COL4A1: variants seen among roughly 807,000 people sequenced by gnomAD.
COL4A1 encodes collagen alpha-1(IV) chain.
Under a neutral mutation model 216.6 loss-of-function variants are expected in COL4A1, and 40 were observed. The ratio of observed to expected loss-of-function variants is 0.18; its 90% CI spans 0.14 to 0.24. The LOEUF (loss-of-function observed/expected upper bound fraction) is 0.24, where lower values mean the gene tolerates loss of function less well. Ranked by LOEUF, COL4A1 falls within the 10% of genes least tolerant of loss-of-function variation. COL4A1 has a pLI of 1.00. For synonymous variants in COL4A1, 839 were observed against 810.7 expected, an observed-to-expected ratio of 1.03 and a Z score of -0.59; for missense variants, 1,628 against 2,196.8, an observed-to-expected ratio of 0.74 and a Z score of 5.18.
chr13:110,195,345 C>T (rs1878836973), intron 21 of COL4A1, among the ~76,000 whole-genome samples: 1 of 152,220 alleles, frequency 6.6e-6, no homozygotes, highest in African/African-American at 2.4e-5. Flanking sequence ...GCCAACATTT[C>T]TATTTCACAA....
chr13:110,302,209 G>A (rs1884521665), intron 1 of COL4A1, among the ~76,000 whole-genome samples: 1 of 152,198 alleles, frequency 6.6e-6, no homozygotes, highest in Non-Finnish European at 1.5e-5. Flanking sequence ...TAGTCTCTGG[G>A]CTCTGTACCC....
chr13:110,219,566 T>C (rs938134477), intron 2 of COL4A1, among the ~76,000 whole-genome samples: 3 of 151,190 alleles, frequency 2.0e-5, no homozygotes, highest in Non-Finnish European at 4.4e-5. Flanking sequence ...TATGTGGGTA[T>C]ACGCAAGAGC....
chr13:110,164,836 G>T, intron 46 of COL4A1, 26 bp downstream of exon 46: 1 of 1,612,550 alleles, frequency 6.2e-7, no homozygotes, highest in Non-Finnish European at 8.5e-7. Context: ...TCCCCATACC[G>T]CCCTGCACAG....
intron 6 of COL4A1, among the ~76,000 whole-genome samples, chr13:110,212,178 C>T (rs935487751): frequency 3.3e-5 from 5 of 152,142 alleles, no homozygotes; most frequent in South Asian, 2.1e-4. Flanking sequence ...TAATAACTTT[C>T]GTGCTTAAAT....
chr13:110,209,331 T>C (rs1879663871), intron 11 of COL4A1, 61 bp downstream of exon 11: 1 of 1,451,376 alleles, frequency 6.9e-7, no homozygotes, highest in Non-Finnish European at 9.6e-7. Flanking sequence ...GAGTGAGCTA[T>C]AGCAATTTCA....
intron 1 of COL4A1, among the ~76,000 whole-genome samples, chr13:110,244,415 C>T (rs1465390741): frequency 6.6e-6 from 1 of 152,168 alleles, no homozygotes; most frequent in Non-Finnish European, 1.5e-5. Context: ...ACTCTCATAA[C>T]CTCCTAACAT....
At chr13:110,243,565 C>T (rs1453146525) in intron 1 of COL4A1, among the ~76,000 whole-genome samples, 1 of 152,270 alleles carries the variant, frequency 6.6e-6, no homozygotes, top group African/African-American at 2.4e-5. Context: ...GTGATCCACC[C>T]GCCTCAGCCT....
rs189487987 is a variant in COL4A1, at chr13:110,240,490, C to A, written c.144+2185G>T. Reference sequence around the variant, plus strand: ...CCCTCGGGACACAACTTCCACGTGGCCCCACACTTCTCTGCCTTCCTGTCC... The same window carrying A: ...CCCTCGGGACACAACTTCCACGTGGACCCACACTTCTCTGCCTTCCTGTCC... On this transcript the variant is annotated intron_variant, in intron 2 of 51. Transcript: ENST00000375820. 6.9e-4 allele frequency among the ~76,000 whole-genome samples: 105 copies of A among 152,372 alleles called. 1 individual carries two copies. Among genetic ancestry groups the A allele is most frequent in the African/African-American group, 2.4e-3 (101 of 41,594 alleles).
chr13:110,188,864 C>T (rs1271165029), intron 24 of COL4A1, among the ~76,000 whole-genome samples: 1 of 152,304 alleles, frequency 6.6e-6, no homozygotes, highest in Admixed American at 6.5e-5. Flanking sequence ...GCCTCCCATT[C>T]CATCTTCCAT....
intron 1 of COL4A1, among the ~76,000 whole-genome samples, chr13:110,291,073 C>T (rs1884067670): frequency 1.3e-5 from 2 of 152,228 alleles, no homozygotes; most frequent in Non-Finnish European, 2.9e-5. Flanking sequence ...GTCCTGCCCG[C>T]CCCTCTCCTC....
intron 49 of COL4A1, among the ~76,000 whole-genome samples, chr13:110,158,257 G>A (rs779034561): frequency 6.6e-6 from 1 of 152,180 alleles, no homozygotes; most frequent in Non-Finnish European, 1.5e-5. Flanking sequence ...AAAGAAAACT[G>A]TCAGTAGATA....
At chr13:110,290,727 T>C (rs1413960235) in intron 1 of COL4A1, among the ~76,000 whole-genome samples, 1 of 151,422 alleles carries the variant, frequency 6.6e-6, no homozygotes, top group Non-Finnish European at 1.5e-5. Context: ...GAAGCTTGGG[T>C]GCACGAGAGC....
At chr13:110,277,211 G>C (rs1281034470) in intron 1 of COL4A1, among the ~76,000 whole-genome samples, 2 of 152,144 alleles carry the variant, frequency 1.3e-5, no homozygotes, top group Non-Finnish European at 2.9e-5. Flanking sequence ...ACTCTCTTAA[G>C]CTATTTTTAT....
rs548816580 is a variant in COL4A1 at position 110,200,570 on chromosome 13, T to C, written c.1120+284A>G. Among the ~76,000 whole-genome samples, 4 of 152,216 alleles carry C rather than the reference T, an allele frequency of 2.6e-5. No individual in the cohort carries two copies. The South Asian group carries it at 8.3e-4, about 32-fold the overall frequency. On this transcript the variant is annotated intron_variant, in intron 20 of 51. Transcript: ENST00000375820. ...GCCGTGGGAAAAGAGGGGGGCAGGCTGGCTCTGGTGGGGTTACATCAGAGC... is the reference window on the plus strand; with the variant it reads ...GCCGTGGGAAAAGAGGGGGGCAGGCCGGCTCTGGTGGGGTTACATCAGAGC...
intron 2 of COL4A1, among the ~76,000 whole-genome samples, chr13:110,237,093 G>A (rs541938483): frequency 9.9e-5 from 15 of 152,260 alleles, no homozygotes; most frequent in South Asian, 4.1e-4. Flanking sequence ...AGTCCTCCCC[G>A]TCCCGACCCG....
chr13:110,260,772 G>A (rs762592523), intron 1 of COL4A1, among the ~76,000 whole-genome samples: 11 of 152,084 alleles, frequency 7.2e-5, no homozygotes, highest in Non-Finnish European at 1.2e-4. Flanking sequence ...AAAGTGGGCC[G>A]GGCGCGGTGG....
chr13:110,228,541 GA>G (rs34421564), intron 2 of COL4A1, among the ~76,000 whole-genome samples: 28,061 of 152,156 alleles, frequency 0.18, 2,850 homozygotes, highest in East Asian at 0.29. Flanking sequence ...CAGGCTGGGG[GA>G]CTCTTCTTTG....
intron 1 of COL4A1, among the ~76,000 whole-genome samples, chr13:110,290,294 G>A (rs542072240): frequency 6.6e-6 from 1 of 152,256 alleles, no homozygotes; most frequent in East Asian, 1.9e-4. Context: ...GCGGCTTCTG[G>A]GATTTTGATT....
At chr13:110,261,216 G>A (rs1205053457) in intron 1 of COL4A1, among the ~76,000 whole-genome samples, 6 of 152,212 alleles carry the variant, frequency 3.9e-5, no homozygotes, top group Admixed American at 6.5e-5. Context: ...CCCAGGAAGG[G>A]GGAATGGAGC....
Sources: gnomAD v4.1 joint callset for allele counts (sites outside exome capture counted in the v4.1 genomes callset) on GRCh38, gnomAD v4.1.1 for gene constraint, MANE v1.5 for transcripts, NCBI Gene and HGNC (gene_info 2026-07-23, HGNC 2026-07-21) for gene names.